Variants in MTUS1 observed in about 807,000 individuals in gnomAD.
The protein encoded by MTUS1 is microtubule associated scaffold protein 1.
A neutral mutation model predicts 120.8 loss-of-function variants in MTUS1; 109 were observed. The ratio of observed to expected loss-of-function variants is 0.90; its 90% confidence interval spans 0.77 to 1.06. The LOEUF (loss-of-function observed/expected upper bound fraction) is 1.06, where lower values mean the gene tolerates loss of function less well. Among genes scored for constraint, MTUS1 ranks in the 50% least tolerant of loss-of-function variants. The pLI is 0.00. For missense variants in MTUS1, 2,210 were observed against 1,486.3 expected (o/e 1.49, Z -8.01); for synonymous variants, 737 against 550.5 (o/e 1.34, Z -4.74).
At chr8:17,769,386 C>A (rs1194251509) in intron 1 of MTUS1, among the ~76,000 whole-genome samples, 4 of 145,038 alleles carry the variant, frequency 2.8e-5, no homozygotes, top group Non-Finnish European at 6.0e-5. Context: ...CTCGCTCTGT[C>A]GCCCAGGCTG....
intron 8 of MTUS1, among the ~76,000 whole-genome samples, chr8:17,658,884 A>G (rs774339797): frequency 1.1e-4 from 16 of 152,156 alleles, no homozygotes. Flanking sequence ...CATTGAAATA[A>G]TGGCAGGAAT....
intron 8 of MTUS1, among the ~76,000 whole-genome samples, chr8:17,672,629 A>G (rs118037810): frequency 0.031 from 4,793 of 152,270 alleles, 178 homozygotes; most frequent in South Asian, 0.15. Flanking sequence ...CACTTACAGA[A>G]CCAAAACCCT....
chr8:17,751,257 C>T (rs1405590844), intron 2 of MTUS1, among the ~76,000 whole-genome samples: 1 of 152,090 alleles, frequency 6.6e-6, no homozygotes, highest in Non-Finnish European at 1.5e-5. Flanking sequence ...CGAGATCGCG[C>T]CACTGCACTC....
chr8:17,752,184 A>G (rs1392887646), intron 2 of MTUS1, among the ~76,000 whole-genome samples: 1 of 148,722 alleles, frequency 6.7e-6, no homozygotes, highest in African/African-American at 2.4e-5. Context: ...TCAAAATTAC[A>G]CAACCAATTT....
chr8:17,685,033 T>TTA (rs1253629515), intron 6 of MTUS1, among the ~76,000 whole-genome samples: 1 of 152,188 alleles, frequency 6.6e-6, no homozygotes, highest in African/African-American at 2.4e-5. Flanking sequence ...TTACACAGAT[T>TTA]TATACCGCAG....
At chr8:17,760,430 G>C (rs1188821088) in intron 1 of MTUS1, among the ~76,000 whole-genome samples, 1 of 152,130 alleles carries the variant, frequency 6.6e-6, no homozygotes, top group Non-Finnish European at 1.5e-5. Flanking sequence ...GTTCCAGCAA[G>C]ATGGAAGATC....
At chr8:17,649,005 T>A (rs1332296428) in intron 13 of MTUS1, among the ~76,000 whole-genome samples, 1 of 152,246 alleles carries the variant, frequency 6.6e-6, no homozygotes, top group Non-Finnish European at 1.5e-5. Context: ...CTAACATCGT[T>A]CTCTGTTCTA....
chr8:17,650,100 G>C (rs964031727), intron 12 of MTUS1, 138 bp from the exon 13 acceptor site: 2 of 683,146 alleles, frequency 2.9e-6, no homozygotes, highest in African/African-American at 1.8e-5. Flanking sequence ...TTCAAAGAAA[G>C]AGGTGAAAAA....
chr8:17,660,492 C>T (rs1809439807), intron 8 of MTUS1, among the ~76,000 whole-genome samples: 1 of 152,174 alleles, frequency 6.6e-6, no homozygotes, highest in African/African-American at 2.4e-5. Context: ...CTGCTATGAA[C>T]ACCGGGGGAC....
chr8:17,687,623 C>CT (rs1816098249), intron 6 of MTUS1, among the ~76,000 whole-genome samples: 1 of 152,168 alleles, frequency 6.6e-6, no homozygotes, highest in South Asian at 2.1e-4. Context: ...TAAACGTCAA[C>CT]TTCTATATCG....
chr8:17,751,725 G>T (rs1193605903), intron 2 of MTUS1, among the ~76,000 whole-genome samples: 3 of 151,804 alleles, frequency 2.0e-5, no homozygotes, highest in Non-Finnish European at 4.4e-5. Flanking sequence ...GGATGTGGTG[G>T]TGCACGCCTG....
At chr8:17,723,630 C>A in intron 4 of MTUS1, 42 bp downstream of exon 4, 1 of 1,581,408 alleles carries the variant, frequency 6.3e-7, no homozygotes, top group Middle Eastern at 1.7e-4. Context: ...CTTGTAATGA[C>A]TGTTTCCACA....
intron 6 of MTUS1, among the ~76,000 whole-genome samples, chr8:17,692,589 G>T (rs1165300672): frequency 6.6e-6 from 1 of 152,180 alleles, no homozygotes; most frequent in Admixed American, 6.5e-5. Flanking sequence ...TTCACATTCT[G>T]CCTGCCTGTT....
In MTUS1 at chr8:17,706,430, T is replaced by C. The variant is rs933736514; in HGVS notation, c.2623+6784A>G. Among the ~76,000 whole-genome samples the C allele has an allele frequency of 3.9e-5, 6 of 152,304 alleles. No homozygotes were observed. The East Asian group carries it at 5.8e-4, about 15-fold the overall frequency. ...TTCGTTCTCCTCCTGCTTTTCTACA[T>C]TGTCTTATGAGATAATGTAATTTCT... On this transcript the variant is annotated intron_variant, in intron 6 of 14. Transcript: ENST00000693296.
Position 17,717,660 on chromosome 8 carries a change from C to T in MTUS1, c.2450-1759G>A, listed in dbSNP as rs975917416. Among the ~76,000 whole-genome samples the T allele has an allele frequency of 5.9e-5, 9 of 152,234 alleles. 1 individual carries two copies. In the South Asian group the frequency reaches 1.2e-3, roughly 21 times the overall value. On this transcript the variant is annotated intron_variant, in intron 4 of 14. Coordinates refer to ENST00000693296, the MANE Select transcript of MTUS1 (RefSeq NM_001363059.2). The stretch of plus-strand genomic sequence containing the variant: ...TAAAATTTAGAGACACAAAGGCCCA[C>T]GGTTCACAAAGAGATCAGTAAAAAG...
At chr8:17,795,105 A>C (rs2052115003) in intron 1 of MTUS1, among the ~76,000 whole-genome samples, 1 of 152,236 alleles carries the variant, frequency 6.6e-6, no homozygotes, top group African/African-American at 2.4e-5. Context: ...TGTGTAAATA[A>C]CACCTGAGTT....
chr8:17,657,058 C>CAAAAAAAAA (rs1219286349), intron 8 of MTUS1, among the ~76,000 whole-genome samples: 35 of 56,578 alleles, frequency 6.2e-4, no homozygotes, highest in South Asian at 8.6e-4. Context: ...GATTCTGTCT[C>CAAAAAAAAA]AAAAAAAAAA....
chr8:17,724,318 C>A (rs1031363317), intron 3 of MTUS1, among the ~76,000 whole-genome samples: 6 of 152,068 alleles, frequency 3.9e-5, no homozygotes, highest in African/African-American at 1.4e-4. Context: ...GAAATTCACT[C>A]ATTTATACAC....
chr8:17,727,646 T>C (rs1236112762), intron 3 of MTUS1, among the ~76,000 whole-genome samples: 1 of 152,194 alleles, frequency 6.6e-6, no homozygotes, highest in African/African-American at 2.4e-5. Flanking sequence ...GTGAAATCAA[T>C]ACAGGACTTC....
Sources: allele counts gnomAD v4.1 joint callset (sites outside exome capture counted in the v4.1 genomes callset), GRCh38; gene constraint gnomAD v4.1.1; transcripts MANE v1.5; gene names NCBI Gene and HGNC (gene_info 2026-07-23, HGNC 2026-07-21).